TMEM117: variants seen among roughly 807,000 people sequenced by gnomAD.
The protein encoded by TMEM117 is transmembrane protein 117.
Under a neutral mutation model 52.4 loss-of-function variants are expected in TMEM117, and 27 were observed. The ratio of observed to expected loss-of-function variants is 0.51; its 90% confidence interval spans 0.38 to 0.71. The LOEUF (loss-of-function observed/expected upper bound fraction) is 0.71, where lower values mean the gene tolerates loss of function less well. TMEM117 is among the 30% of genes least tolerant of loss of function. The pLI, the probability that TMEM117 is intolerant of heterozygous loss-of-function variation, is 0.00. For synonymous variants in TMEM117, 215 were observed against 206.3 expected, an observed-to-expected ratio of 1.04 and a Z score of -0.36; for missense variants, 556 against 630.5, an observed-to-expected ratio of 0.88 and a Z score of 1.26.
intron 2 of TMEM117, among the ~76,000 whole-genome samples, chr12:43,940,210 C>T (rs1945021372): frequency 1.3e-5 from 2 of 152,164 alleles, no homozygotes; most frequent in African/African-American, 2.4e-5. Context: ...CAGAAGCCCT[C>T]GGTCTATCTG....
chr12:44,046,055 G>T (rs573370575), intron 3 of TMEM117, among the ~76,000 whole-genome samples: 1 of 152,144 alleles, frequency 6.6e-6, no homozygotes. Context: ...CTGAATCAGC[G>T]TTCAATATAT....
At chr12:44,157,085 C>T (rs1300383713) in intron 4 of TMEM117, among the ~76,000 whole-genome samples, 1 of 152,120 alleles carries the variant, frequency 6.6e-6, no homozygotes, top group Non-Finnish European at 1.5e-5. Context: ...TGCCAGCCCA[C>T]CGCTTTCAGT....
At chr12:43,804,170 A>G in the TMEM117 span, 1 of 389,136 alleles carries the variant, frequency 2.6e-6, no homozygotes, top group Non-Finnish European at 5.1e-6. Context: ...TTTTTTTGAT[A>G]ATCACCTGTT....
chr12:43,860,098 C>T (rs540288287), intron 2 of TMEM117, among the ~76,000 whole-genome samples: 7 of 152,250 alleles, frequency 4.6e-5, no homozygotes, highest in East Asian at 3.9e-4. Context: ...TAGGTATACA[C>T]GTGCCATGGT....
intron 5 of TMEM117, among the ~76,000 whole-genome samples, chr12:44,218,679 G>T (rs1949750883): frequency 6.6e-6 from 1 of 152,146 alleles, no homozygotes; most frequent in Non-Finnish European, 1.5e-5. Flanking sequence ...CCCAGACATA[G>T]AAAGACATTT....
At chr12:43,875,517 G>A (rs970300579) in intron 2 of TMEM117, among the ~76,000 whole-genome samples, 1 of 152,140 alleles carries the variant, frequency 6.6e-6, no homozygotes, top group African/African-American at 2.4e-5. Context: ...TGGCTTATAT[G>A]TTTCTCATTT....
chr12:44,102,008 T>C (rs931120049), intron 3 of TMEM117, among the ~76,000 whole-genome samples: 1 of 152,016 alleles, frequency 6.6e-6, no homozygotes, highest in African/African-American at 2.4e-5. Context: ...TTTAGATCAC[T>C]TTGAGGTGGG....
Position 43,920,437 on chromosome 12 carries a change from C to T in TMEM117, c.278-23773C>T, listed in dbSNP as rs144179042. Among the ~76,000 whole-genome samples, 1,065 of 151,364 alleles carry T rather than the reference C, an allele frequency of 7.0e-3. 10 individuals carry two copies. Among genetic ancestry groups the T allele is most frequent in the African/African-American group, 0.023 (956 of 41,204 alleles). Reference sequence around the variant, plus strand: ...CTGAGGCAGGAGAATCACTTGAACCCGGGAGGCGGAGGTTGCAGTGAGCCG... The same window carrying T: ...CTGAGGCAGGAGAATCACTTGAACCTGGGAGGCGGAGGTTGCAGTGAGCCG... On this transcript the variant is annotated intron_variant, in intron 2 of 7. Transcript: ENST00000266534.
At chr12:43,959,734 G>A (rs1945371705) in intron 3 of TMEM117, among the ~76,000 whole-genome samples, 1 of 152,020 alleles carries the variant, frequency 6.6e-6, no homozygotes, top group Admixed American at 6.5e-5. Flanking sequence ...ATTTTGGGAG[G>A]TGATATTTGT....
At chr12:43,960,925 A>G (rs543367942) in intron 3 of TMEM117, among the ~76,000 whole-genome samples, 1 of 152,292 alleles carries the variant, frequency 6.6e-6, no homozygotes, top group South Asian at 2.1e-4. Flanking sequence ...GAAGAGGCAA[A>G]CTAAATTTTT....
At chr12:44,300,403 C>A (rs1394114764) in intron 6 of TMEM117, among the ~76,000 whole-genome samples, 7 of 152,182 alleles carry the variant, frequency 4.6e-5, no homozygotes, top group Admixed American at 4.6e-4. Flanking sequence ...CATTAAATAT[C>A]CATCCATTTG....
intron 3 of TMEM117, among the ~76,000 whole-genome samples, chr12:44,118,512 C>G (rs756902088): frequency 8.5e-5 from 13 of 152,206 alleles, no homozygotes; most frequent in Middle Eastern, 3.4e-3. Flanking sequence ...TGTATAATAA[C>G]CTCAGAGATA....
chr12:44,212,419 A>G (rs1949658485), intron 5 of TMEM117, among the ~76,000 whole-genome samples: 1 of 152,194 alleles, frequency 6.6e-6, no homozygotes, highest in South Asian at 2.1e-4. Context: ...AAGAGTATTG[A>G]TGCTGGCAAT....
chr12:43,866,100 C>A (rs983091675), intron 2 of TMEM117, among the ~76,000 whole-genome samples: 1 of 151,626 alleles, frequency 6.6e-6, no homozygotes, highest in Non-Finnish European at 1.5e-5. Context: ...AGAAAACCAC[C>A]AACAGTTTCA....
At chr12:44,240,245 A>G (rs1011296352) in intron 5 of TMEM117, among the ~76,000 whole-genome samples, 4 of 152,172 alleles carry the variant, frequency 2.6e-5, no homozygotes, top group Non-Finnish European at 5.9e-5. Context: ...GGGTCACAGT[A>G]GATGCTTGAA....
At chr12:44,298,159 T>C (rs1950792233) in intron 5 of TMEM117, among the ~76,000 whole-genome samples, 1 of 149,178 alleles carries the variant, frequency 6.7e-6, no homozygotes, top group African/African-American at 2.6e-5. Flanking sequence ...AATAAGAAAT[T>C]GTGAAAAGGA....
At chr12:43,814,738 C>CTTT in the TMEM117 span, among the ~76,000 whole-genome samples, 90 of 107,602 alleles carry the variant, frequency 8.4e-4, no homozygotes, top group Non-Finnish European at 1.0e-3. Context: ...GGGTTTGAAT[C>CTTT]TTTTTTTTTT....
intron 3 of TMEM117, among the ~76,000 whole-genome samples, chr12:43,971,336 C>A (rs1945583200): frequency 6.6e-6 from 1 of 152,146 alleles, no homozygotes; most frequent in South Asian, 2.1e-4. Context: ...TTATCATTGT[C>A]TTCAAAATTA....
intron 3 of TMEM117, among the ~76,000 whole-genome samples, chr12:43,962,659 AC>A: frequency 6.6e-6 from 1 of 152,254 alleles, no homozygotes; most frequent in African/African-American, 2.4e-5. Flanking sequence ...CGTGGCTCAC[AC>A]CTGTAAACCC....
Sources: gnomAD v4.1 joint callset for allele counts (sites outside exome capture counted in the v4.1 genomes callset) on GRCh38, gnomAD v4.1.1 for gene constraint, MANE v1.5 for transcripts, NCBI Gene and HGNC (gene_info 2026-07-23, HGNC 2026-07-21) for gene names.